The following RFTN2 variants were observed in gnomAD, a reference collection of about 807,000 sequenced individuals.
RFTN2 encodes raftlin-2.
Under a neutral mutation model 52.7 loss-of-function variants are expected in RFTN2, and 34 were observed. The ratio of observed to expected loss-of-function variants is 0.64; its 90% CI spans 0.49 to 0.86. The LOEUF is 0.86. Among genes scored for constraint, RFTN2 ranks in the 40% least tolerant of loss-of-function variants. The pLI is 0.00. For missense variants in RFTN2, 536 were observed against 600.1 expected (o/e 0.89, Z 1.12); for synonymous variants, 203 against 217.7 (o/e 0.93, Z 0.59).
At chr2:197,621,820 G>T (rs776990998) in intron 5 of RFTN2, among the ~76,000 whole-genome samples, 1 of 152,110 alleles carries the variant, frequency 6.6e-6, no homozygotes, top group Admixed American at 6.5e-5. Context: ...ATTTTAAATC[G>T]AAAGCTGGGA....
intron 8 of RFTN2, among the ~76,000 whole-genome samples, chr2:197,589,946 G>A (rs1346820598): frequency 6.6e-6 from 1 of 151,956 alleles, no homozygotes; most frequent in Non-Finnish European, 1.5e-5. Context: ...TCACTCTGTT[G>A]CTCAGGCTGG....
At chr2:197,616,279 A>ATTT (rs869169952) in intron 6 of RFTN2, among the ~76,000 whole-genome samples, 1 of 65,574 alleles carries the variant, frequency 1.5e-5, no homozygotes, top group African/African-American at 6.9e-5. Flanking sequence ...ATTTTATTTT[A>ATTT]TTTTATTTTA....
At chr2:197,646,341 C>T (rs2088747972) in intron 2 of RFTN2, 142 bp downstream of exon 2, 3 of 595,022 alleles carry the variant, frequency 5.0e-6, no homozygotes, top group South Asian at 3.0e-5. Flanking sequence ...TGCTTCAATC[C>T]AGGTTCCACT....
At chr2:197,651,902 T>C (rs1287668831) in intron 1 of RFTN2, among the ~76,000 whole-genome samples, 1 of 152,228 alleles carries the variant, frequency 6.6e-6, no homozygotes, top group Non-Finnish European at 1.5e-5. Context: ...AAAGCAATGA[T>C]GGTGTAAGGA....
At chr2:197,605,328 G>C (rs2087942482) in intron 7 of RFTN2, among the ~76,000 whole-genome samples, 2 of 151,582 alleles carry the variant, frequency 1.3e-5, no homozygotes, top group African/African-American at 4.8e-5. Context: ...CCATTCTCTT[G>C]CCTCAGCCTC....
intron 5 of RFTN2, among the ~76,000 whole-genome samples, chr2:197,624,321 G>A (rs539808587): frequency 2.6e-5 from 4 of 152,070 alleles, no homozygotes; most frequent in South Asian, 2.1e-4. Flanking sequence ...AAGAGCTGGC[G>A]TGGCGCGGTG....
intron 3 of RFTN2, among the ~76,000 whole-genome samples, chr2:197,640,573 A>G (rs952958264): frequency 1.3e-5 from 2 of 152,142 alleles, no homozygotes; most frequent in East Asian, 3.9e-4. Context: ...AAGTGAGGCA[A>G]TGCCTCGCCC....
At position 197,590,326 on chromosome 2, in the gene RFTN2, T is replaced by A. The variant is rs2087682654; in HGVS notation, c.1233+5665A>T. 2.0e-5 allele frequency among the ~76,000 whole-genome samples: 3 copies of A among 152,280 alleles called. No individual in the cohort carries two copies. In the South Asian group the frequency reaches 6.2e-4, roughly 32 times the overall value. ...GCTTAGAGAAAACTGAGGTAGTAAA[T>A]GAGGGTCTAAATATTTTGAAATGAC... On this transcript the variant is annotated intron_variant, in intron 8 of 8. Transcript: ENST00000295049.
At position 197,668,429 on chromosome 2, in the gene RFTN2, G is replaced by A. The variant is rs551875149; in HGVS notation, c.139+6891C>T. Among the ~76,000 whole-genome samples the A allele has an allele frequency of 3.9e-5, 6 of 152,266 alleles. No homozygotes were observed. The East Asian group carries it at 1.2e-3, about 29-fold the overall frequency. ...GAGGGAGGTGCTGCCTTTAGTGGTA[G>A]CAGCCTAGACAGGTGGGGAACATAT... On this transcript the variant is annotated intron_variant, in intron 1 of 8. Coordinates refer to ENST00000295049, the MANE Select transcript of RFTN2 (RefSeq NM_144629.3).
At chr2:197,595,128 TGAG>T (rs995772390) in intron 8 of RFTN2, among the ~76,000 whole-genome samples, 5 of 152,336 alleles carry the variant, frequency 3.3e-5, no homozygotes, top group Non-Finnish European at 7.4e-5. Flanking sequence ...CAAGGTGACT[TGAG>T]GATCAGAATA....
At chr2:197,617,952 T>C (rs1410736230) in intron 5 of RFTN2, 31 bp from the exon 6 acceptor site, 2 of 1,546,486 alleles carry the variant, frequency 1.3e-6, no homozygotes, top group Non-Finnish European at 1.7e-6. Flanking sequence ...TTAAGAAGGG[T>C]TGTAAATACT....
At chr2:197,628,348 C>T (rs1040352518) in intron 5 of RFTN2, among the ~76,000 whole-genome samples, 15 of 152,054 alleles carry the variant, frequency 9.9e-5, no homozygotes, top group African/African-American at 2.9e-4. Flanking sequence ...CCCCCGTCTC[C>T]GTGACCCCCT....
chr2:197,638,449 A>G (rs2088606017), intron 3 of RFTN2, among the ~76,000 whole-genome samples: 1 of 81,470 alleles, frequency 1.2e-5, no homozygotes, highest in Admixed American at 1.3e-4. Context: ...TATATTTAGG[A>G]TAGTTAGCTC....
intron 1 of RFTN2, among the ~76,000 whole-genome samples, chr2:197,657,788 C>T (rs2088914261): frequency 6.6e-6 from 1 of 152,130 alleles, no homozygotes; most frequent in South Asian, 2.1e-4. Flanking sequence ...TTACTGTAAA[C>T]ATGCCATCAT....
Position 197,665,527 on chromosome 2 carries a change from T to TTTTTTTTTTTTTTTC in RFTN2, c.139+9792_139+9793insGAAAAAAAAAAAAAA, listed in dbSNP as rs1574754478. ...CATTATGTACCTTGCCTTTTTTTTT[T>TTTTTTTTTTTTTTTC]TTTTTTACTGTTTTCGACTTACTGT... is the stretch of plus-strand genomic sequence containing the variant. On this transcript the variant is annotated intron_variant, in intron 1 of 8. Transcript: ENST00000295049. 1.4e-5 allele frequency among the ~76,000 whole-genome samples: 2 copies of TTTTTTTTTTTTTTTC among 142,550 alleles called. 1 individual carries two copies. The highest frequency in any genetic ancestry group is 3.1e-5 in the Non-Finnish European group (2 of 65,462). The allele number at this position is 142,550 out of a possible 152,430, so 93.5% of individuals were successfully genotyped here. A position where few individuals can be genotyped will look rare whatever the true frequency, so the allele number is the denominator to read the frequency against.
chr2:197,598,945 T>C (rs1391898587), intron 7 of RFTN2, among the ~76,000 whole-genome samples: 1 of 151,868 alleles, frequency 6.6e-6, no homozygotes, highest in African/African-American at 2.4e-5. Context: ...TATTTTACCA[T>C]ATTCTTCTTC....
At chr2:197,599,183 C>T (rs1024305662) in intron 7 of RFTN2, among the ~76,000 whole-genome samples, 2 of 152,124 alleles carry the variant, frequency 1.3e-5, no homozygotes, top group Admixed American at 1.3e-4. Context: ...TTGTGATCCG[C>T]CCACCTCGGC....
Position 197,572,061 on chromosome 2 carries a change from C to T in RFTN2, c.1453G>A (p.Asp485Asn), listed in dbSNP as rs371736434. The change falls in exon 9 of 9, where the codon GAC becomes AAC. Residue 485 changes from aspartate (D) to asparagine (N), a missense_variant. Physicochemically the swap from Asp to Asn is conservative, Grantham distance 23 (BLOSUM62 1). Transcript: ENST00000295049. ...TCTTCCTGATCAAACTGTCCGTCGTCTAATTCCCGGAGGACGTTGTCACTG... is the reference window on the plus strand; with the variant it reads ...TCTTCCTGATCAAACTGTCCGTCGTTTAATTCCCGGAGGACGTTGTCACTG... ...SSSDNVLREL[D>N]DGQFDQEDGV... The T allele has an allele frequency of 1.9e-6, 3 of 1,614,128 alleles. No individual in the cohort carries two copies. Among genetic ancestry groups the T allele is most frequent in the East Asian group, 2.2e-5 (1 of 44,896 alleles).
rs537576771 is a variant in RFTN2 at position 197,629,921 on chromosome 2, G to A, written c.928+1090C>T. Among the ~76,000 whole-genome samples the A allele has an allele frequency of 1.1e-4, 16 of 151,814 alleles. No individual in the cohort carries two copies. In the East Asian group the frequency reaches 2.5e-3, roughly 24 times the overall value. On this transcript the variant is annotated intron_variant, in intron 5 of 8. Transcript: ENST00000295049. The stretch of plus-strand genomic sequence containing the variant: ...GCATTTTTTGTAGAGATGAGGTTTC[G>A]CCATATTGCCCAGGCTAGTCTCGAA...
Sources: gnomAD v4.1 joint callset for allele counts (sites outside exome capture counted in the v4.1 genomes callset) on GRCh38, gnomAD v4.1.1 for gene constraint, MANE v1.5 for transcripts, NCBI Gene and HGNC (gene_info 2026-07-23, HGNC 2026-07-21) for gene names.